The following OSBPL10 variants were observed in gnomAD, a reference collection of about 807,000 sequenced individuals.
The protein encoded by OSBPL10 is oxysterol-binding protein-related protein 10.
A neutral mutation model predicts 81.7 loss-of-function variants in OSBPL10; 49 were observed. The ratio of observed to expected loss-of-function variants is 0.60; its 90% CI spans 0.48 to 0.76. The LOEUF is 0.76. Among genes scored for constraint, OSBPL10 ranks in the 30% least tolerant of loss-of-function variants. The pLI is 0.00. For missense variants in OSBPL10, 923 were observed against 987.8 expected (o/e 0.93, Z 0.88); for synonymous variants, 419 against 383.6 (o/e 1.09, Z -1.08).
At chr3:31,990,824 C>G in intron 2 of OSBPL10, 1 of 1,597,138 alleles carries the variant, frequency 6.3e-7, no homozygotes, top group Non-Finnish European at 8.5e-7. Context: ...TCATCTTATG[C>G]AAAACAAAGG....
At chr3:31,818,273 C>T (rs987819057) in intron 4 of OSBPL10, among the ~76,000 whole-genome samples, 3 of 152,168 alleles carry the variant, frequency 2.0e-5, no homozygotes, top group African/African-American at 7.2e-5. Context: ...GACTGACCTC[C>T]TCTTGAGCAA....
intron 1 of OSBPL10, among the ~76,000 whole-genome samples, chr3:31,945,556 C>A (rs960124096): frequency 2.6e-5 from 4 of 152,226 alleles, no homozygotes; most frequent in African/African-American, 9.6e-5. Flanking sequence ...ATCTACATCT[C>A]TAGTTTCTCT....
In OSBPL10 at chr3:31,860,617, T is replaced by G. The variant is rs1419614306; in HGVS notation, c.537+15816A>C. On this transcript the variant is annotated intron_variant, in intron 3 of 11. Transcript: ENST00000396556. ...ACATTAAAAAAGTTCATGTATGTTC[T>G]TTTTAGTTTCTTCTACTCAAAACAC... 2.0e-5 allele frequency among the ~76,000 whole-genome samples: 3 copies of G among 152,202 alleles called. No homozygotes were observed. The East Asian group carries it at 5.8e-4, about 29-fold the overall frequency.
chr3:31,927,918 G>C (rs1697122704), intron 1 of OSBPL10, among the ~76,000 whole-genome samples: 1 of 152,138 alleles, frequency 6.6e-6, no homozygotes, highest in Admixed American at 6.5e-5. Context: ...CCACCTACTA[G>C]CCCTTGTAGT....
intron 4 of OSBPL10, among the ~76,000 whole-genome samples, chr3:31,812,750 GAAAGAAA>G (rs1699724353): frequency 4.3e-5 from 1 of 23,276 alleles, no homozygotes; most frequent in Non-Finnish European, 7.5e-5. Context: ...AAGAAAGAAA[GAAAGAAA>G]GAAAGAAAGA....
At chr3:32,069,689 A>T (rs1699811422) in intron 1 of OSBPL10, among the ~76,000 whole-genome samples, 1 of 152,200 alleles carries the variant, frequency 6.6e-6, no homozygotes, top group African/African-American at 2.4e-5. Context: ...GAATTAATCA[A>T]CCTCACCTTC....
chr3:31,783,804 AAAAAAAAAAAAAAAAAAAAATAT>A (rs1190126196), intron 4 of OSBPL10, among the ~76,000 whole-genome samples: 2 of 67,260 alleles, frequency 3.0e-5, no homozygotes, highest in East Asian at 6.6e-4. Context: ...AAAAAAAAAA[AAAAAAAAAAAAAAAAAAAAATAT>A]ATATATATAT....
intron 1 of OSBPL10, among the ~76,000 whole-genome samples, chr3:31,888,916 T>G (rs1238288954): frequency 6.6e-6 from 1 of 152,078 alleles, no homozygotes; most frequent in Non-Finnish European, 1.5e-5. Flanking sequence ...AGAGTGAGAC[T>G]CCATCTCAGG....
At chr3:31,985,939 TC>T (rs1313932977), upstream of OSBPL10, among the ~76,000 whole-genome samples, 1 of 152,142 alleles carries the variant, frequency 6.6e-6, no homozygotes, top group Non-Finnish European at 1.5e-5. Flanking sequence ...TTCAGCAACA[TC>T]CCCCAAATTC....
intron 2 of OSBPL10, among the ~76,000 whole-genome samples, chr3:32,006,643 G>A (rs1469515993): frequency 6.6e-6 from 1 of 152,124 alleles, no homozygotes; most frequent in African/African-American, 2.4e-5. Context: ...ATGAAGTAAG[G>A]ACCTAATTTT....
chr3:31,680,802 C>T (rs532900000), intron 8 of OSBPL10, among the ~76,000 whole-genome samples: 1 of 152,132 alleles, frequency 6.6e-6, no homozygotes, highest in Non-Finnish European at 1.5e-5. Flanking sequence ...CTTTCAGCTA[C>T]AAGATTTCAT....
intron 1 of OSBPL10, among the ~76,000 whole-genome samples, chr3:31,923,350 G>A (rs1575617336): frequency 7.5e-6 from 1 of 132,480 alleles, no homozygotes; most frequent in Non-Finnish European, 1.6e-5. Context: ...ATGCTAATCA[G>A]AGTGAAAGTT....
Position 31,962,813 on chromosome 3 carries a change from C to T in OSBPL10, c.281+18086G>A, listed in dbSNP as rs112713678. Among the ~76,000 whole-genome samples, 482 of 152,320 alleles carry T rather than the reference C, an allele frequency of 3.2e-3. 2 individuals are homozygous for T. The highest frequency in any genetic ancestry group is 5.1e-3 in the Non-Finnish European group (347 of 68,018). On this transcript the variant is annotated intron_variant, in intron 1 of 11. Coordinates refer to ENST00000396556, the MANE Select transcript of OSBPL10 (RefSeq NM_017784.5). ...ATGCACAAATGGGAAAAGCCAATGC[C>T]AAAATCACTGCTGCTTTGATAGCAT...
intron 1 of OSBPL10, among the ~76,000 whole-genome samples, chr3:31,911,755 C>T (rs1696586708): frequency 6.6e-6 from 1 of 152,180 alleles, no homozygotes; most frequent in African/African-American, 2.4e-5. Context: ...CTTTCTTTCA[C>T]CTCCTTTCGG....
intron 4 of OSBPL10, 52 bp from the exon 5 acceptor site, chr3:31,748,172 G>C (rs930451210): frequency 6.7e-7 from 1 of 1,502,656 alleles, no homozygotes; most frequent in Admixed American, 1.9e-5. Flanking sequence ...TCTTTCGACA[G>C]GCTGGGGAGG....
chr3:31,752,578 G>A (rs1697753591), intron 4 of OSBPL10, among the ~76,000 whole-genome samples: 1 of 152,124 alleles, frequency 6.6e-6, no homozygotes, highest in South Asian at 2.1e-4. Flanking sequence ...TCAAATCATA[G>A]GAGTTAATGT....
chr3:31,776,252 T>A (rs769787784), intron 4 of OSBPL10, among the ~76,000 whole-genome samples: 3 of 152,038 alleles, frequency 2.0e-5, no homozygotes, highest in African/African-American at 2.4e-5. Context: ...GATGTGCAAA[T>A]CAAAACCAGG....
At chr3:31,816,454 G>T (rs942241344) in intron 4 of OSBPL10, among the ~76,000 whole-genome samples, 1 of 152,188 alleles carries the variant, frequency 6.6e-6, no homozygotes, top group Non-Finnish European at 1.5e-5. Context: ...GACCTCAGGG[G>T]ACAGATACAG....
At chr3:31,843,689 C>T (rs181448424) in intron 3 of OSBPL10, among the ~76,000 whole-genome samples, 1 of 152,302 alleles carries the variant, frequency 6.6e-6, no homozygotes, top group East Asian at 1.9e-4. Flanking sequence ...GTTGGCATAA[C>T]AGCAAAGTTC....
Sources: allele counts gnomAD v4.1 joint callset (sites outside exome capture counted in the v4.1 genomes callset), GRCh38; gene constraint gnomAD v4.1.1; transcripts MANE v1.5; gene names NCBI Gene and HGNC (gene_info 2026-07-23, HGNC 2026-07-21).